AGPAT4: variants seen among roughly 807,000 people sequenced by gnomAD.
AGPAT4 encodes the protein 1-acylglycerol-3-phosphate O-acyltransferase 4, also known as 1-acyl-sn-glycerol-3-phosphate acyltransferase delta.
AGPAT4 carries 15 observed loss-of-function variants against 48.0 expected under a neutral mutation model. That is an observed-to-expected ratio of 0.31 (90% confidence interval 0.21 to 0.48). The LOEUF is 0.48. Ranked by LOEUF, AGPAT4 falls within the 20% of genes least tolerant of loss-of-function variation. AGPAT4 has a pLI of 0.99. For synonymous variants in AGPAT4, 178 were observed against 198.7 expected (o/e 0.90, Z 0.88); for missense variants, 314 against 482.5 (o/e 0.65, Z 3.27).
chr6:161,213,779 C>T (rs138402151), intron 2 of AGPAT4, among the ~76,000 whole-genome samples: 8 of 152,184 alleles, frequency 5.3e-5, no homozygotes, highest in African/African-American at 1.7e-4. Context: ...ATAGAATAAC[C>T]TTATAAAAAT....
intron 4 of AGPAT4, among the ~76,000 whole-genome samples, chr6:161,153,729 C>T (rs1469699142): frequency 6.7e-6 from 1 of 148,844 alleles, no homozygotes; most frequent in African/African-American, 2.5e-5. Flanking sequence ...TCACACACAG[C>T]CCCAGGGGCA....
rs570019508 is a variant in AGPAT4, at chr6:161,156,067, C to T, written c.349-1757G>A. On this transcript the variant is annotated intron_variant, in intron 3 of 8. Transcript: ENST00000320285. ...CTGATGACCTGCTGCTAAATGGAAA[C>T]GACAACTTTGACAGTGATGCGGCTT... is the stretch of plus-strand genomic sequence containing the variant. Among the ~76,000 whole-genome samples the T allele has an allele frequency of 6.6e-5, 10 of 152,304 alleles. No individual in the cohort carries two copies. The East Asian group carries it at 9.6e-4, about 15-fold the overall frequency.
rs1335750029 is a variant in AGPAT4 at position 161,146,627 on chromosome 6, G to A, written c.768-28C>T. 6.2e-7 allele frequency: 1 copy of A among 1,611,138 alleles called. No individual in the cohort carries two copies. ...GCAAAGGCAGAGAGCAGCTAGCAGA[G>A]AGGAGGTGATGCCCCCCTACAACAT... On this transcript the variant is annotated intron_variant, in intron 6 of 8. Coordinates refer to ENST00000320285, the MANE Select transcript of AGPAT4 (RefSeq NM_020133.3). This position sits in a 1 kb window ranked among gnomAD's most constrained non-coding sequence, Gnocchi z 7.1.
chr6:161,148,223 G>A lies in AGPAT4; in HGVS notation c.767+964C>T, dbSNP rs535033331. ...GTGGGTGATTCTCCTGCCTTCATAT[G>A]CCACAGAACTGAGTCACAGGGCAGA... On this transcript the variant is annotated intron_variant, in intron 6 of 8. Coordinates refer to ENST00000320285, the MANE Select transcript of AGPAT4 (RefSeq NM_020133.3). This position sits in a 1 kb window ranked among gnomAD's most constrained non-coding sequence, Gnocchi z 5.5. Among the ~76,000 whole-genome samples the A allele has an allele frequency of 3.3e-5, 5 of 152,314 alleles. No homozygotes were observed. In the South Asian group the frequency reaches 1.0e-3, roughly 32 times the overall value.
chr6:161,213,233 A>G (rs1485579066), intron 2 of AGPAT4, among the ~76,000 whole-genome samples: 1 of 152,218 alleles, frequency 6.6e-6, no homozygotes, highest in East Asian at 1.9e-4. Flanking sequence ...ACACAGTTCC[A>G]TCAAAGCCAA....
chr6:161,161,854 A>T lies in AGPAT4; in HGVS notation c.348+4394T>A, dbSNP rs899905229. ...AATCCTTCGTTTAAAGAGGCAGCAC[A>T]GGGCTTTATGGGCGCCCTCACGCAC... On this transcript the variant is annotated intron_variant, in intron 3 of 8. Transcript: ENST00000320285. This position sits in a 1 kb window ranked among gnomAD's most constrained non-coding sequence, Gnocchi z 4.6. 7.4e-6 allele frequency: 2 copies of T among 269,304 alleles called. No homozygotes were observed. Among genetic ancestry groups the T allele is most frequent in the Non-Finnish European group, 1.5e-5 (2 of 135,930 alleles). 16.7% of individuals were successfully genotyped at this position (269,304 alleles called of 1,614,324 possible). A position where few individuals can be genotyped will look rare whatever the true frequency, so the allele number is the denominator to read the frequency against.
At chr6:161,151,114 A>C (rs543093591) in intron 5 of AGPAT4, among the ~76,000 whole-genome samples, 28 of 152,338 alleles carry the variant, frequency 1.8e-4, no homozygotes, top group African/African-American at 6.0e-4. Flanking sequence ...TGCAAGGCGC[A>C]TCAGAAGGAG....
chr6:161,237,107 A>C (rs1047327662), intron 1 of AGPAT4, among the ~76,000 whole-genome samples: 1 of 152,208 alleles, frequency 6.6e-6, no homozygotes. Flanking sequence ...CATCTGACCC[A>C]TGAGCTCAAT....
chr6:161,174,285 A>C (rs1218951379), intron 2 of AGPAT4, among the ~76,000 whole-genome samples: 2 of 152,170 alleles, frequency 1.3e-5, no homozygotes, highest in East Asian at 3.9e-4. Context: ...TGAGCATGGA[A>C]TGTTCTTCCA....
intron 2 of AGPAT4, among the ~76,000 whole-genome samples, chr6:161,186,722 C>A (rs796227186): frequency 6.6e-6 from 1 of 152,162 alleles, no homozygotes. Flanking sequence ...CTCCTTCCCC[C>A]ACTTCTCCCC....
rs937008783 is a variant in AGPAT4 at position 161,264,486 on chromosome 6, G to A, written c.-90+9452C>T. 1.3e-5 allele frequency among the ~76,000 whole-genome samples: 2 copies of A among 152,190 alleles called. No homozygotes were observed. Among genetic ancestry groups the A allele is most frequent in the African/African-American group, 4.8e-5 (2 of 41,442 alleles). ...CACTTCCAGACCTAACGTGGGGGCTGTTCTTCTCTAGGAAGTATTTTAGGA... is the reference window on the plus strand; with the variant it reads ...CACTTCCAGACCTAACGTGGGGGCTATTCTTCTCTAGGAAGTATTTTAGGA... On this transcript the variant is annotated intron_variant, in intron 1 of 8. Transcript: ENST00000320285. This position sits in a 1 kb window ranked among gnomAD's most constrained non-coding sequence, Gnocchi z 6.8.
rs1454035999 is a variant in AGPAT4, at chr6:161,135,515, T to A, written c.*1025A>T. ...AAGGCAGAAGCCTGGGGGTTTTTTGTACATGGGATGTCGGCTCTGATTTGA... is the reference window on the plus strand; with the variant it reads ...AAGGCAGAAGCCTGGGGGTTTTTTGAACATGGGATGTCGGCTCTGATTTGA... On this transcript the variant is annotated 3_prime_UTR_variant, in exon 9 of 9. Coordinates refer to ENST00000320285, the MANE Select transcript of AGPAT4 (RefSeq NM_020133.3). The A allele has an allele frequency of 6.6e-6, 1 of 152,308 alleles. No homozygotes were observed. Among genetic ancestry groups the A allele is most frequent in the Non-Finnish European group, 1.5e-5 (1 of 68,104 alleles). The allele number at this position is 152,308 out of a possible 1,614,324, so 9.4% of individuals were successfully genotyped here. A position where few individuals can be genotyped will look rare whatever the true frequency, so the allele number is the denominator to read the frequency against.
rs1780460840 is a variant in AGPAT4, at chr6:161,177,529, AG to A, written c.179-11113del. Among the ~76,000 whole-genome samples, 2 of 152,100 alleles carry A rather than the reference AG, an allele frequency of 1.3e-5. No homozygotes were observed. The highest frequency in any genetic ancestry group is 1.3e-4 in the Admixed American group (2 of 15,278). On this transcript the variant is annotated intron_variant, in intron 2 of 8. Transcript: ENST00000320285. The surrounding 1 kb of genome is among the most constrained non-coding windows in gnomAD (Gnocchi z 5.0). ...AGGTCTTCTCTACGCTGTTTATTCT[AG>A]TTAGCCATTCATCTAATCTTTTTTT...
rs1232576156 is a variant in AGPAT4 at position 161,144,723 on chromosome 6, A to G, written c.843+1801T>C. 6.6e-6 allele frequency among the ~76,000 whole-genome samples: 1 copy of G among 152,164 alleles called. No homozygotes were observed. The highest frequency in any genetic ancestry group is 1.5e-5 in the Non-Finnish European group (1 of 68,026). ...GCTGGGCACGGTGGCTCACGCCTGT[A>G]ATCCCAGCACTTTGGGAGGCCGAGG... On this transcript the variant is annotated intron_variant, in intron 7 of 8. Coordinates refer to ENST00000320285, the MANE Select transcript of AGPAT4 (RefSeq NM_020133.3). The surrounding 1 kb of genome is among the most constrained non-coding windows in gnomAD (Gnocchi z 6.6).
chr6:161,173,487 G>C (rs886926631), intron 2 of AGPAT4, among the ~76,000 whole-genome samples: 37 of 152,070 alleles, frequency 2.4e-4, no homozygotes, highest in African/African-American at 8.4e-4. Flanking sequence ...TTTTTGATGG[G>C]GTTGTTTGAT....
intron 1 of AGPAT4, 139 bp downstream of exon 1, chr6:161,273,799 C>CG (rs1554244813): frequency 2.0e-5 from 3 of 149,330 alleles, no homozygotes; most frequent in African/African-American, 7.4e-5. Context: ...TGCACTCCCC[C>CG]CCCGCCCCCG....
intron 2 of AGPAT4, among the ~76,000 whole-genome samples, chr6:161,211,704 T>C (rs117887367): frequency 0.011 from 1,723 of 152,258 alleles, 10 homozygotes; most frequent in Non-Finnish European, 0.017. Context: ...CTGAAATTAA[T>C]TTTTTTAATT....
Position 161,166,582 on chromosome 6 carries a change from C to T in AGPAT4, c.179-165G>A, listed in dbSNP as rs16892246. On this transcript the variant is annotated intron_variant, in intron 2 of 8. Transcript: ENST00000320285. The surrounding 1 kb of genome is among the most constrained non-coding windows in gnomAD (Gnocchi z 6.7). ...CTTGGTCCTTGAAAGGGTTCAGAAG[C>T]GGAAGGAAACACGAGAAAGACTTCA... Among the ~76,000 whole-genome samples the T allele has an allele frequency of 0.042, 6,412 of 151,930 alleles. 420 individuals are homozygous for T. The highest frequency in any genetic ancestry group is 0.14 in the African/African-American group (5,719 of 41,408).
At chr6:161,241,110 A>T (rs1192181288) in intron 1 of AGPAT4, among the ~76,000 whole-genome samples, 4 of 151,842 alleles carry the variant, frequency 2.6e-5, no homozygotes, top group Non-Finnish European at 5.9e-5. Flanking sequence ...TAAAAATACA[A>T]AATTTAGCTG....
Sources: gnomAD v4.1 joint callset for allele counts (sites outside exome capture counted in the v4.1 genomes callset) on GRCh38, gnomAD v4.1.1 for gene constraint, Gnocchi (gnomAD v3.1) non-coding constraint, MANE v1.5 for transcripts, NCBI Gene and HGNC (gene_info 2026-07-23, HGNC 2026-07-21) for gene names.